The following CTNNA3 variants were observed in gnomAD, a reference collection of about 807,000 sequenced individuals.
CTNNA3 encodes catenin alpha-3.
CTNNA3 carries 76 observed loss-of-function variants against 95.7 expected under a neutral mutation model. That is an observed-to-expected ratio of 0.79 (90% CI 0.66 to 0.96). CTNNA3 has a LOEUF of 0.96. Among genes scored for constraint, CTNNA3 ranks in the 40% least tolerant of loss-of-function variants. CTNNA3 has a pLI of 0.00. For missense variants in CTNNA3, 1,191 were observed against 1,089.8 expected (o/e 1.09, Z -1.31); for synonymous variants, 431 against 374.4 (o/e 1.15, Z -1.74).
chr10:66,129,481 C>T (rs773738499), intron 13 of CTNNA3, among the ~76,000 whole-genome samples: 4 of 152,046 alleles, frequency 2.6e-5, no homozygotes, highest in Non-Finnish European at 5.9e-5. Flanking sequence ...TGCAGCATGG[C>T]CAGGGACACC....
intron 5 of CTNNA3, among the ~76,000 whole-genome samples, chr10:67,285,627 G>C (rs773777297): frequency 2.0e-5 from 3 of 152,134 alleles, no homozygotes; most frequent in Non-Finnish European, 2.9e-5. Flanking sequence ...CACTTGTTTT[G>C]TAAACAGGAA....
At chr10:67,567,901 G>A (rs919186861) in intron 3 of CTNNA3, among the ~76,000 whole-genome samples, 1 of 152,052 alleles carries the variant, frequency 6.6e-6, no homozygotes, top group Non-Finnish European at 1.5e-5. Flanking sequence ...CTAAATATGG[G>A]GTTATGGTAT....
intron 6 of CTNNA3, among the ~76,000 whole-genome samples, chr10:67,209,807 A>T (rs1021520867): frequency 6.6e-6 from 1 of 152,094 alleles, no homozygotes; most frequent in Admixed American, 6.6e-5. Context: ...TAAAACTAAC[A>T]CCTATTTTTT....
At chr10:67,431,215 A>G (rs1488171484) in intron 5 of CTNNA3, among the ~76,000 whole-genome samples, 2 of 151,992 alleles carry the variant, frequency 1.3e-5, no homozygotes, top group Non-Finnish European at 2.9e-5. Context: ...AGTACATCCC[A>G]TGCCTGAAAT....
intron 13 of CTNNA3, among the ~76,000 whole-genome samples, chr10:66,266,771 T>C (rs1173426998): frequency 2.6e-5 from 4 of 152,092 alleles, no homozygotes; most frequent in Non-Finnish European, 4.4e-5. Flanking sequence ...TTGTTCCAAA[T>C]ACAAGCCTCA....
At chr10:66,502,201 G>A (rs1169857294) in intron 11 of CTNNA3, among the ~76,000 whole-genome samples, 1 of 151,978 alleles carries the variant, frequency 6.6e-6, no homozygotes, top group Non-Finnish European at 1.5e-5. Context: ...CTGTATTACT[G>A]AGATTCACAG....
At chr10:66,497,576 AG>A (rs1840139829) in intron 11 of CTNNA3, among the ~76,000 whole-genome samples, 1 of 152,062 alleles carries the variant, frequency 6.6e-6, no homozygotes, top group South Asian at 2.1e-4. Flanking sequence ...TGGAAAGGAT[AG>A]GAACAAACAT....
chr10:67,638,226 A>G (rs192814319), intron 2 of CTNNA3, among the ~76,000 whole-genome samples: 137 of 152,340 alleles, frequency 9.0e-4, no homozygotes, highest in Non-Finnish European at 1.3e-3. Context: ...AGTCTCTGAT[A>G]AGACAGACTT....
At chr10:66,806,756 A>ATGTG (rs57749652) in intron 7 of CTNNA3, among the ~76,000 whole-genome samples, 11,159 of 145,612 alleles carry the variant, frequency 0.077, 503 homozygotes, top group Non-Finnish European at 0.11. Context: ...TGTGGCATAT[A>ATGTG]TGTGTGTGTG....
chr10:66,487,241 G>A (rs35830174), intron 11 of CTNNA3, among the ~76,000 whole-genome samples: 2 of 112,556 alleles, frequency 1.8e-5, no homozygotes, highest in African/African-American at 7.1e-5. Flanking sequence ...TCACTCTTTC[G>A]CCCAGGCTGG....
chr10:66,737,708 C>T (rs886910764), intron 9 of CTNNA3, among the ~76,000 whole-genome samples: 1 of 151,076 alleles, frequency 6.6e-6, no homozygotes, highest in Non-Finnish European at 1.5e-5. Context: ...TCACCAGGCT[C>T]GAGTGCACTG....
intron 7 of CTNNA3, among the ~76,000 whole-genome samples, chr10:67,052,089 A>T (rs574080754): frequency 6.6e-6 from 1 of 152,146 alleles, no homozygotes; most frequent in South Asian, 2.1e-4. Flanking sequence ...TTTTGTTTGG[A>T]GGGGTCGTTG....
At chr10:66,756,017 G>A (rs779022452) in intron 9 of CTNNA3, among the ~76,000 whole-genome samples, 27 of 152,154 alleles carry the variant, frequency 1.8e-4, no homozygotes, top group Non-Finnish European at 3.1e-4. Context: ...TCTAGCACCA[G>A]CAGTGCTTCT....
intron 10 of CTNNA3, among the ~76,000 whole-genome samples, chr10:66,545,100 C>G (rs1841996016): frequency 6.6e-6 from 1 of 151,968 alleles, no homozygotes; most frequent in Non-Finnish European, 1.5e-5. Flanking sequence ...GATATTTTAT[C>G]TTCTTTTAAG....
At chr10:66,145,516 A>T (rs186773856) in intron 13 of CTNNA3, among the ~76,000 whole-genome samples, 2 of 152,298 alleles carry the variant, frequency 1.3e-5, no homozygotes, top group East Asian at 3.9e-4. Context: ...TTTATAGAGA[A>T]AGTGGGGAAG....
intron 10 of CTNNA3, among the ~76,000 whole-genome samples, chr10:66,551,476 T>G (rs563032663): frequency 6.6e-6 from 1 of 152,264 alleles, no homozygotes; most frequent in East Asian, 1.9e-4. Context: ...TTGCTGAGCT[T>G]CTTGATGCTA....
intron 5 of CTNNA3, among the ~76,000 whole-genome samples, chr10:67,230,465 T>A (rs1041116619): frequency 1.3e-5 from 2 of 150,886 alleles, no homozygotes; most frequent in African/African-American, 4.9e-5. Flanking sequence ...ACTAAAGAGC[T>A]TTTGCATGGC....
At chr10:66,035,245 G>A (rs980117416) in intron 15 of CTNNA3, among the ~76,000 whole-genome samples, 2 of 152,078 alleles carry the variant, frequency 1.3e-5, no homozygotes, top group East Asian at 1.9e-4. Context: ...TTGTGAAGCC[G>A]AAAAGGGTAC....
intron 15 of CTNNA3, among the ~76,000 whole-genome samples, chr10:66,013,951 C>A (rs906218002): frequency 6.6e-6 from 1 of 152,088 alleles, no homozygotes; most frequent in African/African-American, 2.4e-5. Flanking sequence ...AAAATTAAAA[C>A]CTGTCAAGTG....
Sources: allele counts gnomAD v4.1 joint callset (sites outside exome capture counted in the v4.1 genomes callset), GRCh38; gene constraint gnomAD v4.1.1; transcripts MANE v1.5; gene names NCBI Gene and HGNC (gene_info 2026-07-23, HGNC 2026-07-21).